Variants in ROBO2 observed in about 807,000 individuals in gnomAD.
The protein encoded by ROBO2 is roundabout guidance receptor 2, also known as roundabout homolog 2.
In ROBO2, 53 loss-of-function variants were observed where a neutral mutation model predicts 160.8. The observed-to-expected ratio is 0.33, with a 90% CI of 0.26 to 0.41. The LOEUF (loss-of-function observed/expected upper bound fraction) is 0.41, where lower values mean the gene tolerates loss of function less well. ROBO2 is among the 10% of genes least tolerant of loss of function. The probability of loss-of-function intolerance (pLI) is 1.00; values close to 1 mark genes in which losing one functional copy is unlikely to be tolerated. For synonymous variants in ROBO2, 664 were observed against 611.7 expected (o/e 1.09, Z -1.26); for missense variants, 1,577 against 1,722.4 (o/e 0.92, Z 1.49).
At chr3:76,885,467 G>A (rs188687472) in intron 2 of ROBO2, among the ~76,000 whole-genome samples, 56 of 152,182 alleles carry the variant, frequency 3.7e-4, no homozygotes, top group African/African-American at 1.3e-3. Context: ...CAAAAATAAA[G>A]CTGTTATACG....
intron 2 of ROBO2, among the ~76,000 whole-genome samples, chr3:76,813,373 A>T (rs115510100): frequency 0.01 from 1,598 of 152,204 alleles, 31 homozygotes; most frequent in African/African-American, 0.036. Flanking sequence ...TCCTTTAATC[A>T]TCAGATAATT....
chr3:75,951,405 TTC>T (rs946862454), intron 2 of ROBO2, among the ~76,000 whole-genome samples: 3 of 152,100 alleles, frequency 2.0e-5, no homozygotes, highest in African/African-American at 7.2e-5. Context: ...CTCCCCTTCC[TTC>T]TCCTTCTTTA....
intron 2 of ROBO2, among the ~76,000 whole-genome samples, chr3:77,410,941 C>T (rs1235656605): frequency 6.6e-6 from 1 of 151,690 alleles, no homozygotes; most frequent in East Asian, 2.0e-4. Flanking sequence ...GTAGCTGGGA[C>T]CATAGGTATG....
At chr3:77,229,363 G>T (rs572350425) in intron 2 of ROBO2, among the ~76,000 whole-genome samples, 2 of 152,208 alleles carry the variant, frequency 1.3e-5, no homozygotes, top group East Asian at 3.9e-4. Context: ...AGATAAATCA[G>T]TGGAGGCTTA....
chr3:76,999,675 A>G lies in ROBO2; in HGVS notation c.110-98339A>G, dbSNP rs140373862. ...AATTTAGCAAGAAATGTGTGTCAAGACTGATAACATGCATGAGGAAGGAGA... is the reference window on the plus strand; with the variant it reads ...AATTTAGCAAGAAATGTGTGTCAAGGCTGATAACATGCATGAGGAAGGAGA... On this transcript the variant is annotated intron_variant, in intron 2 of 26. Transcript: ENST00000487694. 4.0e-3 allele frequency among the ~76,000 whole-genome samples: 614 copies of G among 152,258 alleles called. 2 individuals carry two copies. Among genetic ancestry groups the G allele is most frequent in the African/African-American group, 0.014 (589 of 41,552 alleles).
At chr3:76,413,110 C>A (rs1362542989) in intron 2 of ROBO2, among the ~76,000 whole-genome samples, 1 of 152,206 alleles carries the variant, frequency 6.6e-6, no homozygotes, top group Non-Finnish European at 1.5e-5. Flanking sequence ...TGTACATTGG[C>A]CCCTTTCAGC....
At chr3:76,788,383 A>G (rs1039053738) in intron 2 of ROBO2, among the ~76,000 whole-genome samples, 1 of 151,474 alleles carries the variant, frequency 6.6e-6, no homozygotes, top group African/African-American at 2.4e-5. Context: ...TATAGTGTTT[A>G]TAGTTCTTTT....
chr3:77,246,485 A>G (rs185264053), intron 2 of ROBO2, among the ~76,000 whole-genome samples: 1 of 152,170 alleles, frequency 6.6e-6, no homozygotes, highest in African/African-American at 2.4e-5. Flanking sequence ...TATATATGGG[A>G]GATCACTTAG....
chr3:76,525,754 A>G (rs1448850645), intron 2 of ROBO2, among the ~76,000 whole-genome samples: 7 of 152,026 alleles, frequency 4.6e-5, no homozygotes, highest in South Asian at 2.1e-4. Context: ...TCATAGTATA[A>G]TTAACATTGT....
intron 1 of ROBO2, among the ~76,000 whole-genome samples, chr3:77,083,528 G>GAAAA (rs2068912718): frequency 6.6e-6 from 1 of 152,130 alleles, no homozygotes; most frequent in African/African-American, 2.4e-5. Context: ...GAGTGATGAG[G>GAAAA]AAAGGGAAAG....
At position 77,619,468 on chromosome 3, in the gene ROBO2, A is replaced by T. The variant is rs555598584; in HGVS notation, c.3554+1695A>T. The stretch of plus-strand genomic sequence containing the variant: ...AGAAATGCATGGGACAAGGTCCAGG[A>T]AAATTCCAAAAGTAGAGCTTCCAGT... On this transcript the variant is annotated intron_variant, in intron 22 of 25. Coordinates refer to ENST00000461745, the Ensembl canonical transcript of ROBO2. 1.4e-4 allele frequency among the ~76,000 whole-genome samples: 22 copies of T among 152,322 alleles called. No homozygotes were observed. In the South Asian group the frequency reaches 4.6e-3, roughly 32 times the overall value.
At chr3:76,842,655 C>A (rs2068397683) in intron 2 of ROBO2, among the ~76,000 whole-genome samples, 1 of 152,088 alleles carries the variant, frequency 6.6e-6, no homozygotes, top group Non-Finnish European at 1.5e-5. Flanking sequence ...AATGCGAGAA[C>A]CGATATTGTT....
At chr3:76,791,465 CTT>C (rs1553906779) in intron 2 of ROBO2, among the ~76,000 whole-genome samples, 1 of 147,870 alleles carries the variant, frequency 6.8e-6, no homozygotes, top group African/African-American at 2.6e-5. Flanking sequence ...CTCTCTCTCT[CTT>C]TTCTCTCTCT....
intron 2 of ROBO2, among the ~76,000 whole-genome samples, chr3:75,960,418 A>G (rs940259745): frequency 6.6e-6 from 1 of 151,804 alleles, no homozygotes; most frequent in Admixed American, 6.6e-5. Context: ...AAGTTAACAT[A>G]ATGTTTAAGG....
chr3:77,513,999 A>C (rs1207315139), intron 5 of ROBO2, among the ~76,000 whole-genome samples: 2 of 151,844 alleles, frequency 1.3e-5, no homozygotes, highest in African/African-American at 4.8e-5. Context: ...CAAAATGAAA[A>C]TCACCAAATT....
chr3:76,472,399 G>C (rs9834738), intron 2 of ROBO2, among the ~76,000 whole-genome samples: 3 of 151,828 alleles, frequency 2.0e-5, no homozygotes, highest in Non-Finnish European at 4.4e-5. Flanking sequence ...ATTATTCTGA[G>C]AAACAGAAGT....
At chr3:76,856,477 T>A (rs1157276241) in intron 2 of ROBO2, among the ~76,000 whole-genome samples, 1 of 152,212 alleles carries the variant, frequency 6.6e-6, no homozygotes, top group Non-Finnish European at 1.5e-5. Flanking sequence ...AAATTCTGAA[T>A]GCAATACACT....
chr3:76,288,763 A>C (rs1708657097), intron 2 of ROBO2, among the ~76,000 whole-genome samples: 1 of 152,286 alleles, frequency 6.6e-6, no homozygotes, highest in Non-Finnish European at 1.5e-5. Context: ...TTCATACATT[A>C]ATTCACTTAG....
chr3:77,272,917 C>G (rs1031359265), intron 2 of ROBO2, among the ~76,000 whole-genome samples: 1 of 152,044 alleles, frequency 6.6e-6, no homozygotes, highest in Non-Finnish European at 1.5e-5. Context: ...ACTAGATATT[C>G]ATGTTCAAAC....
Sources: gnomAD v4.1 joint callset for allele counts (sites outside exome capture counted in the v4.1 genomes callset) on GRCh38, gnomAD v4.1.1 for gene constraint, MANE v1.5 for transcripts, NCBI Gene and HGNC (gene_info 2026-07-23, HGNC 2026-07-21) for gene names.